CLASP1: variants seen among roughly 807,000 people sequenced by gnomAD.
CLASP1 encodes CLIP-associating protein 1.
CLASP1 carries 38 observed loss-of-function variants against 192.3 expected under a neutral mutation model. The observed-to-expected ratio is 0.20, with a 90% CI of 0.15 to 0.26. The LOEUF (loss-of-function observed/expected upper bound fraction) is 0.26, where lower values mean the gene tolerates loss of function less well. Ranked by LOEUF, CLASP1 falls within the 10% of genes least tolerant of loss-of-function variation. CLASP1 has a pLI of 1.00. For synonymous variants in CLASP1, 691 were observed against 712.8 expected (o/e 0.97, Z 0.49); for missense variants, 1,433 against 1,932.5 (o/e 0.74, Z 4.85).
chr2:121,407,213 TCA>T (rs1491226266), intron 25 of CLASP1, among the ~76,000 whole-genome samples: 1 of 116,478 alleles, frequency 8.6e-6, no homozygotes, highest in African/African-American at 4.5e-5. Context: ...AGATTCCATC[TCA>T]AAAAAAAAAA....
At chr2:121,649,337 G>A (rs1269850992) in intron 1 of CLASP1, 35 bp downstream of exon 1, 1 of 152,182 alleles carries the variant, frequency 6.6e-6, no homozygotes, top group Non-Finnish European at 1.5e-5. Context: ...GAGAGGGCTC[G>A]GGTCTGACCC....
chr2:121,602,999 C>A (rs2063968895), intron 2 of CLASP1: 1 of 151,854 alleles, frequency 6.6e-6, no homozygotes, highest in Non-Finnish European at 1.5e-5. Context: ...AACCAAGAAA[C>A]AAGAGAGTAA....
chr2:121,630,388 AC>A (rs2069296654), intron 1 of CLASP1, among the ~76,000 whole-genome samples: 2 of 127,056 alleles, frequency 1.6e-5, no homozygotes, highest in African/African-American at 6.4e-5. Flanking sequence ...AGAAACACAC[AC>A]ACACACACAC....
intron 6 of CLASP1, among the ~76,000 whole-genome samples, chr2:121,522,988 G>A (rs149295559): frequency 6.6e-6 from 1 of 152,278 alleles, no homozygotes; most frequent in East Asian, 1.9e-4. Flanking sequence ...TAGACCAACA[G>A]GTCACACCAG....
intron 6 of CLASP1, among the ~76,000 whole-genome samples, chr2:121,518,759 T>G (rs1008188941): frequency 1.3e-5 from 2 of 151,454 alleles, no homozygotes; most frequent in Admixed American, 1.3e-4. Context: ...CGCCTGTTAG[T>G]CCCAGCTACT....
chr2:121,410,984 A>G lies in CLASP1; in HGVS notation c.2321-15T>C. ...CCCAAACCGATCTATTTAAAAAACA[A>G]AAGCAAAAGATGTGTCACTTTAATT... On this transcript the variant is annotated splice_polypyrimidine_tract_variant and intron_variant, in intron 23 of 39. Coordinates refer to ENST00000263710, the Ensembl canonical transcript of CLASP1. 6.6e-7 allele frequency: 1 copy of G among 1,510,800 alleles called. No homozygotes were observed. 93.6% of individuals were successfully genotyped at this position (1,510,800 alleles called of 1,614,324 possible). A position where few individuals can be genotyped will look rare whatever the true frequency, so the allele number is the denominator to read the frequency against.
At chr2:121,515,904 C>G in intron 6 of CLASP1, 142 bp from the exon 7 acceptor site, 1 of 660,662 alleles carries the variant, frequency 1.5e-6, no homozygotes, top group East Asian at 2.7e-5. Context: ...ATACATTTGT[C>G]TAGAGAAAGC....
chr2:121,472,933 T>C (rs907427136), intron 8 of CLASP1, among the ~76,000 whole-genome samples: 33 of 152,208 alleles, frequency 2.2e-4, no homozygotes, highest in African/African-American at 7.2e-4. Context: ...TACAGGGCAT[T>C]AGGCAGACCG....
chr2:121,575,809 A>C (rs973793665), intron 2 of CLASP1, among the ~76,000 whole-genome samples: 1 of 152,232 alleles, frequency 6.6e-6, no homozygotes, highest in Non-Finnish European at 1.5e-5. Flanking sequence ...TAAGTGGCAT[A>C]ATCTCTAAAG....
At chr2:121,570,411 A>C (rs1421553735) in intron 2 of CLASP1, among the ~76,000 whole-genome samples, 1 of 152,242 alleles carries the variant, frequency 6.6e-6, no homozygotes, top group African/African-American at 2.4e-5. Context: ...AAAGTGAAAA[A>C]TATCTCTGTG....
chr2:121,518,807 G>A (rs759790935), intron 6 of CLASP1, among the ~76,000 whole-genome samples: 4 of 152,086 alleles, frequency 2.6e-5, no homozygotes, highest in Non-Finnish European at 5.9e-5. Context: ...GAACCCAGGA[G>A]GCAGAGGTTG....
intron 19 of CLASP1, chr2:121,444,872 A>G (rs550877265): frequency 9.1e-7 from 1 of 1,094,102 alleles, no homozygotes; most frequent in Non-Finnish European, 1.3e-6. Flanking sequence ...GTACTGGGCA[A>G]CACTCGGTGA....
At chr2:121,337,907 A>C (rs1349026454) in exon 40 of CLASP1, 3 of 152,020 alleles carry the variant, frequency 2.0e-5, no homozygotes. Flanking sequence ...TGAAACAAAT[A>C]AGATATAAAT....
chr2:121,528,032 T>C, intron 4 of CLASP1, 142 bp from the exon 5 acceptor site: 1 of 603,220 alleles, frequency 1.7e-6, no homozygotes, highest in Non-Finnish European at 3.0e-6. Flanking sequence ...CTCGAGAGCA[T>C]ACTGGAAAAT....
chr2:121,531,046 CAGTAATTCGTAA>C (rs1559536464), intron 2 of CLASP1: 24 of 697,778 alleles, frequency 3.4e-5, no homozygotes, highest in Non-Finnish European at 6.3e-5. Context: ...GTTCAAACAG[CAGTAATTCGTAA>C]ATAAACTAGT....
chr2:121,535,229 A>G (rs2095028648), intron 2 of CLASP1, among the ~76,000 whole-genome samples: 1 of 152,232 alleles, frequency 6.6e-6, no homozygotes, highest in Non-Finnish European at 1.5e-5. Context: ...AGTTGCAGCG[A>G]GTGGAGATCG....
intron 2 of CLASP1, chr2:121,530,928 A>C (rs752923122): frequency 1.4e-6 from 1 of 699,742 alleles, no homozygotes. Flanking sequence ...GCGCATAGTG[A>C]GGGCAGTACT....
At chr2:121,592,881 C>T (rs934723697) in intron 2 of CLASP1, among the ~76,000 whole-genome samples, 1 of 152,082 alleles carries the variant, frequency 6.6e-6, no homozygotes, top group Non-Finnish European at 1.5e-5. Context: ...CTCCTGACCT[C>T]GTGATCCGCC....
At chr2:121,520,055 AG>A (rs1375228378) in intron 6 of CLASP1, among the ~76,000 whole-genome samples, 1 of 152,236 alleles carries the variant, frequency 6.6e-6, no homozygotes, top group Admixed American at 6.5e-5. Context: ...TATGCTTTAC[AG>A]AATCTAAGGT....
Sources: gnomAD v4.1 joint callset for allele counts (sites outside exome capture counted in the v4.1 genomes callset) on GRCh38, gnomAD v4.1.1 for gene constraint, MANE v1.5 for transcripts, NCBI Gene and HGNC (gene_info 2026-07-23, HGNC 2026-07-21) for gene names.